The following SRPRB variants were observed in gnomAD, a reference collection of about 807,000 sequenced individuals.
The protein encoded by SRPRB is signal recognition particle receptor subunit beta.
Under a neutral mutation model 31.9 loss-of-function variants are expected in SRPRB, and 20 were observed. That is an observed-to-expected ratio of 0.63 (90% confidence interval 0.44 to 0.91). The LOEUF (loss-of-function observed/expected upper bound fraction) is 0.91, where lower values mean the gene tolerates loss of function less well. SRPRB is among the 40% of genes least tolerant of loss of function. The pLI is 0.00. For synonymous variants in SRPRB, 146 were observed against 132.8 expected, an observed-to-expected ratio of 1.10 and a Z score of -0.68; for missense variants, 321 against 324.9, an observed-to-expected ratio of 0.99 and a Z score of 0.09.
At chr3:133,822,475 G>A (rs1316204382), downstream of SRPRB, among the ~76,000 whole-genome samples, 2 of 152,292 alleles carry the variant, frequency 1.3e-5, no homozygotes, top group Admixed American at 1.3e-4. Context: ...TCCAGTCCGG[G>A]CCTTGGTAGC....
chr3:133,786,407 G>T (rs1055006060), intron 1 of SRPRB: 1 of 152,150 alleles, frequency 6.6e-6, no homozygotes, highest in East Asian at 1.9e-4. Context: ...AATACACATT[G>T]TGTTTGTGCA....
At chr3:133,824,680 A>T (rs1005610104), downstream of SRPRB, 6 of 152,212 alleles carry the variant, frequency 3.9e-5, no homozygotes, top group African/African-American at 1.4e-4. Context: ...ATGACAATCA[A>T]TCAGAGTAGA....
chr3:133,814,483 G>C (rs1187221136), intron 4 of SRPRB, among the ~76,000 whole-genome samples: 2 of 151,224 alleles, frequency 1.3e-5, no homozygotes, highest in African/African-American at 4.9e-5. Context: ...TTGTCACCCA[G>C]GCTGGAGTGC....
chr3:133,815,321 A>G (rs1457117163), intron 4 of SRPRB, among the ~76,000 whole-genome samples: 2 of 151,976 alleles, frequency 1.3e-5, no homozygotes, highest in African/African-American at 2.4e-5. Flanking sequence ...CATTTATCAT[A>G]TGGTTCTCTA....
chr3:133,805,795 GCA>G, upstream of SRPRB: 1 of 1,531,200 alleles, frequency 6.5e-7, no homozygotes, highest in Non-Finnish European at 8.8e-7. Flanking sequence ...CCGCGCCTGC[GCA>G]GAGTGCAGGG....
chr3:133,819,861 T>C lies in SRPRB; in HGVS notation c.*95T>C, dbSNP rs1424420721. ...GAGTTGATGAGGAAGGGGTACAAGATGTGGTTAGAAACATTTCTTTGTTCT... is the reference window on the plus strand; with the variant it reads ...GAGTTGATGAGGAAGGGGTACAAGACGTGGTTAGAAACATTTCTTTGTTCT... On this transcript the variant is annotated 3_prime_UTR_variant, in exon 7 of 7. Coordinates refer to ENST00000678299, the MANE Select transcript of SRPRB (RefSeq NM_001379313.1). The C allele has an allele frequency of 2.7e-6, 3 of 1,105,856 alleles. No homozygotes were observed. The allele number at this position is 1,105,856 out of a possible 1,614,324, so 68.5% of individuals were successfully genotyped here.
chr3:133,817,012 T>G, intron 6 of SRPRB, 80 bp downstream of exon 6: 1 of 1,172,672 alleles, frequency 8.5e-7, no homozygotes, highest in Non-Finnish European at 1.2e-6. Flanking sequence ...TTTCTTTTGT[T>G]TGGTTTTATG....
chr3:133,810,882 G>A lies in SRPRB; in HGVS notation c.328-235G>A, dbSNP rs1935250724. On this transcript the variant is annotated intron_variant, in intron 3 of 6. Coordinates refer to ENST00000678299, the MANE Select transcript of SRPRB (RefSeq NM_001379313.1). ...ATCAGTGTTCTCATTTTATATTTAT[G>A]TGTAATTTTACATTATGTTCACCTT... The A allele has an allele frequency of 1.2e-5, 5 of 410,022 alleles. No homozygotes were observed. In the South Asian group the frequency reaches 1.7e-4, roughly 14 times the overall value. 25.4% of individuals were successfully genotyped at this position (410,022 alleles called of 1,614,324 possible). A position where few individuals can be genotyped will look rare whatever the true frequency, so the allele number is the denominator to read the frequency against.
intron 1 of SRPRB, chr3:133,790,559 G>C (rs905621225): frequency 2.6e-5 from 4 of 152,258 alleles, no homozygotes; most frequent in African/African-American, 7.2e-5. Context: ...AAACCTGATA[G>C]AGAATTGGAG....
chr3:133,793,122 G>T (rs1934881527), intron 1 of SRPRB: 1 of 152,026 alleles, frequency 6.6e-6, no homozygotes, highest in Admixed American at 6.6e-5. Context: ...AGTATTAAAA[G>T]ATAATGAAAG....
At chr3:133,823,311 TG>T (rs11367238), downstream of SRPRB, among the ~76,000 whole-genome samples, 30,564 of 152,034 alleles carry the variant, frequency 0.2, 3,432 homozygotes, top group East Asian at 0.4. Flanking sequence ...CAGGCTGGAG[TG>T]GCAGTGGTGC....
At chr3:133,803,400 C>T (rs1935090700), upstream of SRPRB, among the ~76,000 whole-genome samples, 1 of 152,214 alleles carries the variant, frequency 6.6e-6, no homozygotes, top group South Asian at 2.1e-4. Context: ...TCTCCTGTCA[C>T]TCCTACTTAA....
chr3:133,814,080 G>T (rs1178868325), intron 4 of SRPRB, among the ~76,000 whole-genome samples: 1 of 151,550 alleles, frequency 6.6e-6, no homozygotes, highest in Non-Finnish European at 1.5e-5. Context: ...GTTGGCCATT[G>T]CATGTCTCTT....
In SRPRB at chr3:133,817,050, T is replaced by G. The variant is rs548861643; in HGVS notation, c.602+118T>G. 2.9e-5 allele frequency: 20 copies of G among 694,062 alleles called. No individual in the cohort carries two copies. In the South Asian group the frequency reaches 7.5e-4, roughly 26 times the overall value. The allele number at this position is 694,062 out of a possible 1,614,324, so 43.0% of individuals were successfully genotyped here. A position where few individuals can be genotyped will look rare whatever the true frequency, so the allele number is the denominator to read the frequency against. On this transcript the variant is annotated intron_variant, in intron 6 of 6. Coordinates refer to ENST00000678299, the MANE Select transcript of SRPRB (RefSeq NM_001379313.1). ...ATTATCACAATTATAGACTGAAGATTAGTGTGATAAATATTTGTTAAATAA... is the reference window on the plus strand; with the variant it reads ...ATTATCACAATTATAGACTGAAGATGAGTGTGATAAATATTTGTTAAATAA...
At chr3:133,814,154 C>T (rs1186345851) in intron 4 of SRPRB, among the ~76,000 whole-genome samples, 4 of 146,690 alleles carry the variant, frequency 2.7e-5, no homozygotes, top group South Asian at 2.1e-4. Context: ...TTTTTTGAGA[C>T]GGAGTCTCGC....
At chr3:133,811,748 A>T (rs1000470716) in intron 4 of SRPRB, among the ~76,000 whole-genome samples, 2 of 151,802 alleles carry the variant, frequency 1.3e-5, no homozygotes, top group Non-Finnish European at 2.9e-5. Flanking sequence ...ACACCCTGCT[A>T]ATTTTTCATA....
intron 1 of SRPRB, chr3:133,794,546 C>T (rs1490302284): frequency 6.6e-6 from 1 of 152,172 alleles, no homozygotes; most frequent in African/African-American, 2.4e-5. Context: ...ACAATCAACT[C>T]CTTCACAACC....
chr3:133,802,286 G>A (rs777543073), upstream of SRPRB, among the ~76,000 whole-genome samples: 13 of 152,080 alleles, frequency 8.5e-5, no homozygotes, highest in Non-Finnish European at 1.8e-4. Flanking sequence ...GTTTGTGCCT[G>A]TAGTCCCAGC....
intron 6 of SRPRB, among the ~76,000 whole-genome samples, chr3:133,819,144 T>G (rs531399043): frequency 6.6e-6 from 1 of 152,276 alleles, no homozygotes; most frequent in South Asian, 2.1e-4. Context: ...CATATCCAAA[T>G]AGACTCAAGA....
Sources: allele counts gnomAD v4.1 joint callset (sites outside exome capture counted in the v4.1 genomes callset), GRCh38; gene constraint gnomAD v4.1.1; transcripts MANE v1.5; gene names NCBI Gene and HGNC (gene_info 2026-07-23, HGNC 2026-07-21).